CTDSPL: variants seen among roughly 807,000 people sequenced by gnomAD.
CTDSPL encodes the protein CTD small phosphatase-like protein.
In CTDSPL, 8 loss-of-function variants were observed where a neutral mutation model predicts 30.5. The observed-to-expected ratio is 0.26, with a 90% CI of 0.15 to 0.47. The LOEUF (loss-of-function observed/expected upper bound fraction) is 0.47, where lower values mean the gene tolerates loss of function less well. Among genes scored for constraint, CTDSPL ranks in the 20% least tolerant of loss-of-function variants. The pLI is 0.99. For missense variants in CTDSPL, 248 were observed against 366.1 expected (o/e 0.68, Z 2.63); for synonymous variants, 110 against 137.9 (o/e 0.80, Z 1.42).
intron 1 of CTDSPL, among the ~76,000 whole-genome samples, chr3:37,918,879 C>T (rs780074099): frequency 6.6e-6 from 1 of 152,130 alleles, no homozygotes; most frequent in African/African-American, 2.4e-5. Flanking sequence ...GGAGGGGAAA[C>T]AGGCCCTGCA....
rs1699502774 is a variant in CTDSPL at position 37,982,426 on chromosome 3, A to G, written c.*1559A>G. On this transcript the variant is annotated 3_prime_UTR_variant, in exon 8 of 8. Transcript: ENST00000273179. ...TTGCTCTTAAAAACAATTAAAAAGA[A>G]CCCTTTCATATTGGCACCATTGCCT... The G allele has an allele frequency of 2.5e-6, 1 of 396,994 alleles. No homozygotes were observed. Among genetic ancestry groups the G allele is most frequent in the Non-Finnish European group, 5.0e-6 (1 of 198,960 alleles). 24.6% of individuals were successfully genotyped at this position (396,994 alleles called of 1,614,324 possible). A position where few individuals can be genotyped will look rare whatever the true frequency, so the allele number is the denominator to read the frequency against.
intron 1 of CTDSPL, among the ~76,000 whole-genome samples, chr3:37,925,997 T>C (rs866939599): frequency 6.6e-6 from 1 of 152,358 alleles, no homozygotes; most frequent in East Asian, 1.9e-4. Flanking sequence ...GGCAGGAATT[T>C]TTTAAGTTTT....
intron 1 of CTDSPL, among the ~76,000 whole-genome samples, chr3:37,929,924 A>G (rs1698831222): frequency 1.3e-5 from 2 of 152,236 alleles, no homozygotes; most frequent in African/African-American, 4.8e-5. Flanking sequence ...CCTGACCAAC[A>G]TGATGAAACC....
At chr3:37,928,540 T>C (rs994153427) in intron 1 of CTDSPL, among the ~76,000 whole-genome samples, 1 of 152,210 alleles carries the variant, frequency 6.6e-6, no homozygotes, top group Admixed American at 6.5e-5. Context: ...TAGAGAAATA[T>C]CTATGCCAGT....
chr3:37,913,536 A>G (rs1409750155), intron 1 of CTDSPL, among the ~76,000 whole-genome samples: 1 of 152,158 alleles, frequency 6.6e-6, no homozygotes, highest in East Asian at 1.9e-4. Flanking sequence ...ATGTTGTTTG[A>G]TTTCCTTAGA....
At chr3:37,926,928 A>C (rs1698788036) in intron 1 of CTDSPL, among the ~76,000 whole-genome samples, 1 of 152,204 alleles carries the variant, frequency 6.6e-6, no homozygotes, top group Admixed American at 6.5e-5. Flanking sequence ...TTTGCAGTCC[A>C]ACAAACCTGA....
At chr3:37,949,741 T>C (rs1699086879) in intron 2 of CTDSPL, among the ~76,000 whole-genome samples, 1 of 152,254 alleles carries the variant, frequency 6.6e-6, no homozygotes, top group African/African-American at 2.4e-5. Context: ...TGTGGATGTA[T>C]AGAAGGGAAT....
intron 1 of CTDSPL, among the ~76,000 whole-genome samples, chr3:37,907,863 T>C (rs1023262892): frequency 6.6e-6 from 1 of 152,062 alleles, no homozygotes; most frequent in African/African-American, 2.4e-5. Context: ...GCTGTGAGGA[T>C]AAAGGGAAAT....
intron 2 of CTDSPL, among the ~76,000 whole-genome samples, chr3:37,951,109 C>G (rs1382517495): frequency 6.6e-6 from 1 of 151,154 alleles, no homozygotes; most frequent in Admixed American, 6.6e-5. Flanking sequence ...GGCTCATTCC[C>G]GTAATCCCAG....
chr3:37,891,686 G>T (rs1207073874), intron 1 of CTDSPL, among the ~76,000 whole-genome samples: 1 of 152,166 alleles, frequency 6.6e-6, no homozygotes, highest in Non-Finnish European at 1.5e-5. Context: ...TTCTTAAAAT[G>T]TGTTTGTTTG....
At chr3:37,961,197 C>T (rs1301256436) in intron 3 of CTDSPL, among the ~76,000 whole-genome samples, 3 of 152,276 alleles carry the variant, frequency 2.0e-5, no homozygotes, top group Non-Finnish European at 2.9e-5. Flanking sequence ...ATGTTTTGCA[C>T]GCCTATTGGA....
chr3:37,926,580 C>G lies in CTDSPL; in HGVS notation c.80-20477C>G, dbSNP rs1015987080. Among the ~76,000 whole-genome samples the G allele has an allele frequency of 3.9e-5, 6 of 152,278 alleles. No homozygotes were observed. The East Asian group carries it at 1.2e-3, about 29-fold the overall frequency. ...TGAGAGCAGACTGTAGATATGGTTA[C>G]ATTTTCATTGCAAAACTAATGTGGA... On this transcript the variant is annotated intron_variant, in intron 1 of 7. Transcript: ENST00000273179.
At chr3:37,971,629 C>T in intron 6 of CTDSPL, 130 bp downstream of exon 6, 1 of 764,620 alleles carries the variant, frequency 1.3e-6, no homozygotes, top group Non-Finnish European at 2.2e-6. Context: ...GTTCCCACCC[C>T]AGATGGGATG....
intron 5 of CTDSPL, among the ~76,000 whole-genome samples, chr3:37,970,807 C>T (rs1699358293): frequency 3.9e-5 from 6 of 152,192 alleles, no homozygotes; most frequent in Admixed American, 3.9e-4. Context: ...GTTTCACATC[C>T]CCTGAAACAT....
chr3:37,973,538 C>G (rs1320845608), intron 6 of CTDSPL, among the ~76,000 whole-genome samples: 1 of 152,234 alleles, frequency 6.6e-6, no homozygotes, highest in Non-Finnish European at 1.5e-5. Flanking sequence ...ACCCTCTTTC[C>G]TCGCTGAGGT....
chr3:37,961,292 A>G (rs1325351479), intron 3 of CTDSPL, among the ~76,000 whole-genome samples: 3 of 152,178 alleles, frequency 2.0e-5, no homozygotes, highest in Non-Finnish European at 4.4e-5. Context: ...GGGAAGCTTC[A>G]TGGGCTGTTT....
intron 1 of CTDSPL, among the ~76,000 whole-genome samples, chr3:37,928,151 C>T (rs1168994976): frequency 6.6e-6 from 1 of 152,140 alleles, no homozygotes; most frequent in Non-Finnish European, 1.5e-5. Context: ...CGTTAATGGA[C>T]GTTTCAGTTG....
chr3:37,966,382 A>G (rs578085882), intron 4 of CTDSPL, among the ~76,000 whole-genome samples: 2 of 152,352 alleles, frequency 1.3e-5, no homozygotes, highest in Admixed American at 1.3e-4. Flanking sequence ...GCATAGGTTC[A>G]TGGATCCCAA....
intron 1 of CTDSPL, among the ~76,000 whole-genome samples, chr3:37,902,041 A>G (rs1698456037): frequency 2.6e-5 from 4 of 152,088 alleles, no homozygotes. Flanking sequence ...AAAAGTAGAG[A>G]AGGAGGAAGG....
Sources: gnomAD v4.1 joint callset for allele counts (sites outside exome capture counted in the v4.1 genomes callset) on GRCh38, gnomAD v4.1.1 for gene constraint, MANE v1.5 for transcripts, NCBI Gene and HGNC (gene_info 2026-07-23, HGNC 2026-07-21) for gene names.